The following RNF6 variants were observed in gnomAD, a reference collection of about 807,000 sequenced individuals.
The protein encoded by RNF6 is E3 ubiquitin-protein ligase RNF6.
A neutral mutation model predicts 50.1 loss-of-function variants in RNF6; 21 were observed. The ratio of observed to expected loss-of-function variants is 0.42; its 90% confidence interval spans 0.30 to 0.60. RNF6 has a LOEUF of 0.60. Ranked by LOEUF, RNF6 falls within the 20% of genes least tolerant of loss-of-function variation. The pLI is 0.20. For missense variants in RNF6, 698 were observed against 838.2 expected (o/e 0.83, Z 2.07); for synonymous variants, 255 against 291.8 (o/e 0.87, Z 1.29).
chr13:26,170,032 G>A (rs920328995), intron 5 of RNF6, among the ~76,000 whole-genome samples: 1 of 152,140 alleles, frequency 6.6e-6, no homozygotes, highest in Non-Finnish European at 1.5e-5. Flanking sequence ...AAAGATTAAA[G>A]TGAGTTTTGT....
intron 5 of RNF6, among the ~76,000 whole-genome samples, chr13:26,137,071 G>A (rs1050226651): frequency 2.0e-5 from 3 of 152,096 alleles, no homozygotes; most frequent in South Asian, 2.1e-4. Context: ...CAGCTCCTTC[G>A]AAAATCCTCA....
intron 5 of RNF6, among the ~76,000 whole-genome samples, chr13:26,153,306 C>T (rs9507673): frequency 0.67 from 102,279 of 151,744 alleles, 35,173 homozygotes; most frequent in East Asian, 0.83. Flanking sequence ...CTCCCTTCTC[C>T]GGGTTTAAGT....
chr13:26,182,675 C>T (rs112608841), intron 5 of RNF6, among the ~76,000 whole-genome samples: 3,201 of 152,142 alleles, frequency 0.021, 112 homozygotes, highest in African/African-American at 0.071. Flanking sequence ...CATGGTGGCA[C>T]ACACCTGTAG....
In RNF6 at chr13:26,219,539, T is replaced by C. The variant is rs768877777; in HGVS notation, c.111A>G (p.Glu37=). ...RRWQQERLHR[E]EAYYQFINEL... is the part of the protein sequence containing the mutation. ...CATTAATAAACTGATAATAGGCCTCTTCTCTGTGGAGACGCTCTTGCTGCC... is the reference window on the plus strand; with the variant it reads ...CATTAATAAACTGATAATAGGCCTCCTCTCTGTGGAGACGCTCTTGCTGCC... The change falls in exon 3 of 5, where the codon GAA becomes GAG. Residue 37 remains glutamate (E), a synonymous_variant. Coordinates refer to ENST00000381588, the MANE Select transcript of RNF6 (RefSeq NM_005977.4). 7 of 1,613,896 alleles carry C rather than the reference T, an allele frequency of 4.3e-6. No homozygotes were observed. The South Asian group carries it at 5.5e-5, about 13-fold the overall frequency.
chr13:26,183,613 T>C (rs1873342856), intron 5 of RNF6, among the ~76,000 whole-genome samples: 1 of 152,134 alleles, frequency 6.6e-6, no homozygotes, highest in Non-Finnish European at 1.5e-5. Flanking sequence ...TTCTGAAACA[T>C]ATTACTTTTT....
chr13:26,146,315 G>C (rs76992390), intron 5 of RNF6, among the ~76,000 whole-genome samples: 20,208 of 152,232 alleles, frequency 0.13, 1,709 homozygotes, highest in Admixed American at 0.2. Context: ...TGACACTGCT[G>C]TTCATTATGG....
intron 5 of RNF6, among the ~76,000 whole-genome samples, chr13:26,142,847 C>A (rs1349090652): frequency 6.6e-6 from 1 of 152,154 alleles, no homozygotes; most frequent in Non-Finnish European, 1.5e-5. Context: ...CATCACAAAC[C>A]TGCACATGTA....
intron 2 of RNF6, 28 bp from the exon 3 acceptor site, chr13:26,219,695 A>T (rs911884475): frequency 6.3e-7 from 1 of 1,585,040 alleles, no homozygotes; most frequent in African/African-American, 1.3e-5. Flanking sequence ...ACAACATTCA[A>T]GGTGTTAAGT....
intron 5 of RNF6, among the ~76,000 whole-genome samples, chr13:26,194,181 A>G (rs1277577480): frequency 6.6e-6 from 1 of 152,210 alleles, no homozygotes; most frequent in Non-Finnish European, 1.5e-5. Context: ...CTCAAGCCAT[A>G]TTCAGGTGCT....
At position 26,214,971 on chromosome 13, in the gene RNF6, C is replaced by G; in HGVS notation, c.911G>C (p.Arg304Pro). 1.9e-6 allele frequency: 3 copies of G among 1,614,188 alleles called. No homozygotes were observed. The highest frequency in any genetic ancestry group is 2.5e-6 in the Non-Finnish European group (3 of 1,180,038). ...ACGGCTTCGACTATTGGAAGTAGAT[C>G]GTAATCTTATTGGCTCTAATCTTTG... ...TNQRLEPIRL[R>P]STSNSRSRSP... The change falls in exon 5 of 5, where the codon CGA (arginine) becomes CCA (proline). Residue 304 changes from arginine (R) to proline (P), a missense_variant. By Grantham distance (103) the Arg-to-Pro change is moderately radical (BLOSUM62 -2). Transcript: ENST00000381588.
intron 5 of RNF6, among the ~76,000 whole-genome samples, chr13:26,202,614 C>T (rs1191908993): frequency 6.7e-6 from 1 of 149,214 alleles, no homozygotes; most frequent in Non-Finnish European, 1.5e-5. Flanking sequence ...TTCACAGCAT[C>T]ACTAAAAATA....
chr13:26,175,333 G>A (rs1196147901), intron 5 of RNF6, among the ~76,000 whole-genome samples: 3 of 152,244 alleles, frequency 2.0e-5, no homozygotes, highest in South Asian at 2.1e-4. Context: ...TGCCTGCCTC[G>A]GGCCCCCAAA....
intron 5 of RNF6, among the ~76,000 whole-genome samples, chr13:26,183,550 G>A (rs1022376931): frequency 2.0e-5 from 3 of 152,138 alleles, no homozygotes; most frequent in African/African-American, 4.8e-5. Context: ...GCCTCCCTGC[G>A]TATATCCATA....
At chr13:26,207,540 G>A (rs1452333256) in intron 5 of RNF6, among the ~76,000 whole-genome samples, 1 of 152,186 alleles carries the variant, frequency 6.6e-6, no homozygotes, top group Admixed American at 6.5e-5. Flanking sequence ...AAAGGATGCA[G>A]GTTGATTCAT....
intron 5 of RNF6, among the ~76,000 whole-genome samples, chr13:26,136,646 G>GTCT (rs1870659113): frequency 6.6e-6 from 1 of 152,152 alleles, no homozygotes; most frequent in African/African-American, 2.4e-5. Flanking sequence ...TTTTGGCTGT[G>GTCT]TCTTATTCAC....
At chr13:26,220,562 T>C (rs550671513) in intron 2 of RNF6, among the ~76,000 whole-genome samples, 1 of 152,202 alleles carries the variant, frequency 6.6e-6, no homozygotes, top group East Asian at 1.9e-4. Context: ...ACTAAAGCAA[T>C]GGTTCTCAAA....
At chr13:26,154,581 G>A (rs1382805395) in intron 5 of RNF6, among the ~76,000 whole-genome samples, 1 of 152,072 alleles carries the variant, frequency 6.6e-6, no homozygotes, top group Non-Finnish European at 1.5e-5. Flanking sequence ...ATTTATCTAG[G>A]TGCTTGAGAT....
At position 26,219,565 on chromosome 13, in the gene RNF6, A is replaced by G; in HGVS notation, c.85T>C (p.Trp29Arg). The G allele has an allele frequency of 6.2e-7, 1 of 1,614,036 alleles. No individual in the cohort carries two copies. Among genetic ancestry groups the G allele is most frequent in the Non-Finnish European group, 8.5e-7 (1 of 1,179,960 alleles). ...TCTCTGTGGAGACGCTCTTGCTGCC[A>G]TCTTCTCTCATTTTCATGATGATTA... ...DHNHHENERRWQQERLHREEA... is the reference protein window; with the variant it reads ...DHNHHENERRRQQERLHREEA... The change falls in exon 3 of 5, where the codon TGG becomes CGG. Residue 29 changes from tryptophan (W) to arginine (R), a missense_variant. Coordinates refer to ENST00000381588, the MANE Select transcript of RNF6 (RefSeq NM_005977.4).
At chr13:26,189,247 G>A (rs1470570935) in intron 5 of RNF6, among the ~76,000 whole-genome samples, 2 of 152,126 alleles carry the variant, frequency 1.3e-5, no homozygotes, top group South Asian at 4.1e-4. Flanking sequence ...AGAATCGCTT[G>A]AACCCGGGAG....
Sources: allele counts gnomAD v4.1 joint callset (sites outside exome capture counted in the v4.1 genomes callset), GRCh38; gene constraint gnomAD v4.1.1; transcripts MANE v1.5; gene names NCBI Gene and HGNC (gene_info 2026-07-23, HGNC 2026-07-21).